DYSF: variants seen among roughly 807,000 people sequenced by gnomAD.
The protein encoded by DYSF is dysferlin.
In DYSF, 212 loss-of-function variants were observed where a neutral mutation model predicts 274.9. That is an observed-to-expected ratio of 0.77 (90% CI 0.69 to 0.86). DYSF has a LOEUF of 0.86. Ranked by LOEUF, DYSF falls within the 40% of genes least tolerant of loss-of-function variation. The pLI, the probability that DYSF is intolerant of heterozygous loss-of-function variation, is 0.00. For missense variants in DYSF, 2,666 were observed against 2,783.2 expected, an observed-to-expected ratio of 0.96 and a Z score of 0.95; for synonymous variants, 1,091 against 1,078.7, an observed-to-expected ratio of 1.01 and a Z score of -0.22.
chr2:71,488,235 T>A (rs908794302), intron 3 of DYSF, among the ~76,000 whole-genome samples: 2 of 152,086 alleles, frequency 1.3e-5, no homozygotes, highest in African/African-American at 2.4e-5. Flanking sequence ...AAGAAAACAG[T>A]TTAATTGCTC....
intron 3 of DYSF, among the ~76,000 whole-genome samples, chr2:71,482,336 G>A (rs934233785): frequency 6.6e-6 from 1 of 152,248 alleles, no homozygotes; most frequent in African/African-American, 2.4e-5. Context: ...AGTGAGGGCA[G>A]AGGCCCCCTG....
In DYSF at chr2:71,570,209, C is replaced by T; in HGVS notation, c.2980-20C>T. 1 of 1,607,818 alleles carries T rather than the reference C, an allele frequency of 6.2e-7. No individual in the cohort carries two copies. Among genetic ancestry groups the T allele is most frequent in the Non-Finnish European group, 8.5e-7 (1 of 1,174,200 alleles). On this transcript the variant is annotated intron_variant, in intron 27 of 55. Transcript: ENST00000410020. ...CTGTCTGTCTCCTCTCATTGCTTGC[C>T]TGTTCGGTTTTGTCCTTAGAACGGG...
intron 9 of DYSF, 113 bp downstream of exon 9, chr2:71,516,355 C>G: frequency 9.8e-7 from 1 of 1,018,222 alleles, no homozygotes. Context: ...AGTGTGAATG[C>G]GTGAATGCGT....
chr2:71,621,060 T>C (rs961023283), intron 41 of DYSF, among the ~76,000 whole-genome samples: 15 of 151,958 alleles, frequency 9.9e-5, no homozygotes, highest in African/African-American at 3.6e-4. Flanking sequence ...TGCTAAGAGG[T>C]CTGCTGGGGC....
At chr2:71,596,034 C>T (rs944852269) in intron 32 of DYSF, among the ~76,000 whole-genome samples, 3 of 150,778 alleles carry the variant, frequency 2.0e-5, no homozygotes, top group African/African-American at 7.3e-5. Context: ...AGTGGGGTCC[C>T]GTGCAGGGAG....
At chr2:71,673,903 A>C (rs550651768) in intron 51 of DYSF, among the ~76,000 whole-genome samples, 1 of 152,158 alleles carries the variant, frequency 6.6e-6, no homozygotes, top group African/African-American at 2.4e-5. Context: ...TAACTTCTCC[A>C]AGCCTCACCT....
intron 32 of DYSF, among the ~76,000 whole-genome samples, chr2:71,591,795 G>A (rs914292719): frequency 2.0e-5 from 3 of 152,246 alleles, no homozygotes; most frequent in East Asian, 1.9e-4. Flanking sequence ...GTGGGGTCCA[G>A]TCTGTGTCCT....
intron 27 of DYSF, 41 bp from the exon 28 acceptor site, chr2:71,570,188 C>G: frequency 1.9e-6 from 3 of 1,562,384 alleles, no homozygotes; most frequent in Non-Finnish European, 2.6e-6. Context: ...TCACATCTGT[C>G]TGTCTCCTCT....
At chr2:71,536,679 C>G (rs1387637601) in intron 16 of DYSF, among the ~76,000 whole-genome samples, 1 of 152,202 alleles carries the variant, frequency 6.6e-6, no homozygotes, top group Non-Finnish European at 1.5e-5. Flanking sequence ...ATTACAGAAT[C>G]TGGTGGTTGC....
intron 35 of DYSF, among the ~76,000 whole-genome samples, chr2:71,602,328 A>G (rs1574286017): frequency 1.3e-5 from 2 of 152,006 alleles, no homozygotes; most frequent in South Asian, 4.2e-4. Context: ...GCCCTCCTTC[A>G]CCAGCCCTGC....
intron 24 of DYSF, among the ~76,000 whole-genome samples, chr2:71,564,840 C>T (rs776043889): frequency 1.2e-4 from 18 of 152,212 alleles, no homozygotes; most frequent in Non-Finnish European, 2.4e-4. Flanking sequence ...GCTTTGGGGA[C>T]GGGTGACAGG....
chr2:71,618,587 G>A (rs2094000602), intron 40 of DYSF, among the ~76,000 whole-genome samples: 1 of 137,516 alleles, frequency 7.3e-6, no homozygotes, highest in African/African-American at 2.7e-5. Flanking sequence ...GTAGAGTTGT[G>A]TGTGTGTGGT....
chr2:71,668,693 G>T, intron 48 of DYSF, 61 bp from the exon 49 acceptor site: 1 of 1,527,166 alleles, frequency 6.5e-7, no homozygotes, highest in Non-Finnish European at 9.0e-7. Flanking sequence ...CCCAGAGCAG[G>T]TGCTTGGTAA....
intron 1 of DYSF, among the ~76,000 whole-genome samples, chr2:71,480,422 T>C (rs760967436): frequency 5.3e-4 from 81 of 151,948 alleles, no homozygotes; most frequent in South Asian, 6.3e-4. Context: ...GATCTAGTGG[T>C]GTGTGCCTGT....
Position 71,516,251 on chromosome 2 carries a change from C to A in DYSF, c.951+9C>A. 1 of 1,613,948 alleles carries A rather than the reference C, an allele frequency of 6.2e-7. No homozygotes were observed. Among genetic ancestry groups the A allele is most frequent in the South Asian group, 1.1e-5 (1 of 91,078 alleles). ...AGCCCATCTTTATCACGGTATGTCTCAGCAGTCAAAGTGTTCTCCGTGGGC... is the reference window on the plus strand; with the variant it reads ...AGCCCATCTTTATCACGGTATGTCTAAGCAGTCAAAGTGTTCTCCGTGGGC... On this transcript the variant is annotated intron_variant, in intron 9 of 55. Transcript: ENST00000410020.
chr2:71,467,112 A>T (rs1267462404), intron 1 of DYSF, among the ~76,000 whole-genome samples, 179 bp downstream of exon 1: 1 of 152,256 alleles, frequency 6.6e-6, no homozygotes, highest in Non-Finnish European at 1.5e-5. Flanking sequence ...AGGAATAAGC[A>T]GAGCACAATA....
chr2:71,476,249 T>C (rs1265505700), intron 1 of DYSF, among the ~76,000 whole-genome samples: 1 of 152,110 alleles, frequency 6.6e-6, no homozygotes, highest in Non-Finnish European at 1.5e-5. Context: ...TGGCACCTGA[T>C]CACTAATCGA....
intron 52 of DYSF, among the ~76,000 whole-genome samples, chr2:71,678,607 T>C (rs1460470722): frequency 6.6e-6 from 1 of 152,078 alleles, no homozygotes; most frequent in Non-Finnish European, 1.5e-5. Context: ...GAAATAGTAG[T>C]GATGGTTGTA....
rs199601326 is a variant in DYSF at position 71,669,649 on chromosome 2, A to G, written c.5687A>G (p.His1896Arg). The change falls in exon 51 of 56, where the codon CAT becomes CGT. Residue 1896 changes from histidine to arginine, a missense_variant. His to Arg is a conservative substitution (Grantham distance 29, BLOSUM62 0). Around this residue, in one of 3 missense-constraint regions of DYSF, gnomAD observed 1,460 missense variants for 1,502.1 expected, o/e 0.97. Transcript: ENST00000410020. ...GAACACAAGCAAAAGACAGACGTGCATTATCGTTCCCTGGGAGGTGAAGGC... is the reference window on the plus strand; with the variant it reads ...GAACACAAGCAAAAGACAGACGTGCGTTATCGTTCCCTGGGAGGTGAAGGC... ...FEEHKQKTDV[H>R]YRSLGGEGNF... 4 of 1,614,086 alleles carry G rather than the reference A, an allele frequency of 2.5e-6. No individual in the cohort carries two copies. The highest frequency in any genetic ancestry group is 1.1e-5 in the South Asian group (1 of 91,090).
Sources: gnomAD v4.1 joint callset for allele counts (sites outside exome capture counted in the v4.1 genomes callset) on GRCh38, gnomAD v4.1.1 for gene constraint, gnomAD v4.1.1 regional missense constraint, MANE v1.5 for transcripts, NCBI Gene and HGNC (gene_info 2026-07-23, HGNC 2026-07-21) for gene names.